Variants in CPLANE1 observed in about 807,000 individuals in gnomAD.
The protein encoded by CPLANE1 is ciliogenesis and planar polarity effector 1.
In CPLANE1, 263 loss-of-function variants were observed where a neutral mutation model predicts 362.5. The observed-to-expected ratio is 0.73, with a 90% confidence interval of 0.66 to 0.80. The LOEUF (loss-of-function observed/expected upper bound fraction) is 0.80, where lower values mean the gene tolerates loss of function less well. Among genes scored for constraint, CPLANE1 ranks in the 30% least tolerant of loss-of-function variants. The pLI is 0.00. For missense variants in CPLANE1, 3,461 were observed against 3,793.4 expected (o/e 0.91, Z 2.30); for synonymous variants, 1,212 against 1,302.6 (o/e 0.93, Z 1.50).
At chr5:37,203,896 A>G (rs1789952262) in intron 18 of CPLANE1, among the ~76,000 whole-genome samples, 1 of 152,224 alleles carries the variant, frequency 6.6e-6, no homozygotes, top group African/African-American at 2.4e-5. Flanking sequence ...AATTCATTCA[A>G]GAGCAGCTAA....
chr5:37,124,504 C>G (rs971307257), intron 47 of CPLANE1, among the ~76,000 whole-genome samples: 1 of 151,888 alleles, frequency 6.6e-6, no homozygotes, highest in Non-Finnish European at 1.5e-5. Flanking sequence ...TTTTTGTATT[C>G]TTTGTAGGTA....
rs373643291 is a variant in CPLANE1 at position 37,108,318 on chromosome 5, T to C, written c.9554A>G (p.His3185Arg). ...TTGTAGAAGGGAATTGTGACTCTCATGAAGAATCTTATGGATTTCTGAAGG... is the reference window on the plus strand; with the variant it reads ...TTGTAGAAGGGAATTGTGACTCTCACGAAGAATCTTATGGATTTCTGAAGG... ...TIPSEIHKIL[H>R]ESHNSLLQDL... is the part of the protein sequence containing the mutation. The change falls in exon 52 of 53, where the codon CAT (histidine) becomes CGT (arginine). Residue 3185 changes from histidine to arginine, a missense_variant. Around this residue, in one of 2 missense-constraint regions of CPLANE1, gnomAD observed 81 missense variants for 127.3 expected, o/e 0.64. Transcript: ENST00000651892. 1 of 1,614,036 alleles carries C rather than the reference T, an allele frequency of 6.2e-7. No individual in the cohort carries two copies. The highest frequency in any genetic ancestry group is 1.7e-5 in the Admixed American group (1 of 59,994).
At chr5:37,181,045 C>G (rs1411083340) in intron 26 of CPLANE1, 40 bp from the exon 27 acceptor site, 1 of 1,507,748 alleles carries the variant, frequency 6.6e-7, no homozygotes, top group Admixed American at 2.0e-5. Flanking sequence ...TTTATTGAAC[C>G]CTTTATTTTT....
chr5:37,224,088 C>T (rs2150393071), intron 14 of CPLANE1, among the ~76,000 whole-genome samples, 165 bp downstream of exon 14: 1 of 152,244 alleles, frequency 6.6e-6, no homozygotes, highest in South Asian at 2.1e-4. Flanking sequence ...ATATCATAAG[C>T]ACTCTGAAAT....
At chr5:37,119,756 C>G (rs10072608) in intron 50 of CPLANE1, among the ~76,000 whole-genome samples, 13 of 151,932 alleles carry the variant, frequency 8.6e-5, no homozygotes, top group African/African-American at 3.1e-4. Context: ...GAGGCCGGGG[C>G]GGGTGGATCA....
At chr5:37,157,932 CAAAA>C (rs1157107088) in intron 39 of CPLANE1, 64 bp from the exon 40 acceptor site, 753 of 66,576 alleles carry the variant, frequency 0.011, no homozygotes, top group South Asian at 0.028. Context: ...GTCACTCCGC[CAAAA>C]AAAAAAAAAA....
At chr5:37,190,725 T>C (rs887402441) in intron 21 of CPLANE1, among the ~76,000 whole-genome samples, 7 of 152,168 alleles carry the variant, frequency 4.6e-5, no homozygotes, top group African/African-American at 1.7e-4. Flanking sequence ...GCATATACTA[T>C]GGTGCACCCA....
At chr5:37,133,968 A>G (rs1480658762) in intron 46 of CPLANE1, among the ~76,000 whole-genome samples, 2 of 152,192 alleles carry the variant, frequency 1.3e-5, no homozygotes, top group Admixed American at 6.5e-5. Context: ...CCAATCTTGC[A>G]TCCTAGAAAT....
intron 41 of CPLANE1, among the ~76,000 whole-genome samples, chr5:37,155,599 T>C (rs1362715929): frequency 6.6e-6 from 1 of 152,210 alleles, no homozygotes; most frequent in Non-Finnish European, 1.5e-5. Context: ...GGTGTCAAAC[T>C]CCTGAGCTCA....
Position 37,170,006 on chromosome 5 carries a change from CGCCCAG to C in CPLANE1, c.6462+29_6462+34del, listed in dbSNP as rs769227834. 11 of 1,589,828 alleles carry C rather than the reference CGCCCAG, an allele frequency of 6.9e-6. No individual in the cohort carries two copies. The East Asian group carries it at 2.2e-4, about 32-fold the overall frequency. On this transcript the variant is annotated intron_variant, in intron 33 of 52. Transcript: ENST00000651892. ...CTGGGATTACAGACATGAGCCACCG[CGCCCAG>C]CCATTAATGGTATTTTTACATACAT...
chr5:37,149,739 G>A (rs1260252574), intron 42 of CPLANE1, among the ~76,000 whole-genome samples: 1 of 151,964 alleles, frequency 6.6e-6, no homozygotes, highest in East Asian at 1.9e-4. Flanking sequence ...CTGTACAGAA[G>A]GTAACAGAAA....
At chr5:37,214,117 AATT>A (rs1793378253) in intron 15 of CPLANE1, among the ~76,000 whole-genome samples, 1 of 152,184 alleles carries the variant, frequency 6.6e-6, no homozygotes, top group South Asian at 2.1e-4. Flanking sequence ...ATATGTAAAT[AATT>A]ATTTTATCAT....
chr5:37,105,966 G>A (rs747804771), downstream of CPLANE1, among the ~76,000 whole-genome samples: 6 of 152,124 alleles, frequency 3.9e-5, no homozygotes, highest in East Asian at 7.7e-4. Flanking sequence ...ATGAGGTATC[G>A]CTGCACCCCA....
In CPLANE1 at chr5:37,224,290, C is replaced by G. The variant is rs199749415; in HGVS notation, c.2544G>C (p.Gln848His). ...TTTCTTGTAGAGCTTTTTTCCACAGCTGAACAGACTTTTCATATGATCCTA... is the reference window on the plus strand; with the variant it reads ...TTTCTTGTAGAGCTTTTTTCCACAGGTGAACAGACTTTTCATATGATCCTA... The part of the protein sequence containing the change: ...FLLGSYEKSV[Q>H]LWKKALQEIE... Residue 848 changes from glutamine (Q) to histidine (H), a missense_variant, in exon 14 of 53, where the codon CAG becomes CAC. Physicochemically the swap from Gln to His is conservative, Grantham distance 24 (BLOSUM62 0). This residue lies in a region of CPLANE1 where 3,380 missense variants were observed against 3,666.1 expected (regional missense o/e 0.92). Coordinates refer to ENST00000651892, the MANE Select transcript of CPLANE1 (RefSeq NM_001384732.1). 1.5e-4 allele frequency: 239 copies of G among 1,549,466 alleles called. No individual in the cohort carries two copies. Among genetic ancestry groups the G allele is most frequent in the Non-Finnish European group, 2.0e-4 (227 of 1,146,206 alleles).
intron 6 of CPLANE1, 83 bp from the exon 7 acceptor site, chr5:37,239,952 T>C: frequency 1.0e-6 from 1 of 981,878 alleles, no homozygotes; most frequent in Non-Finnish European, 1.4e-6. Context: ...AATTAAAGGA[T>C]CCATCCAAAT....
At chr5:37,095,619 A>T in the CPLANE1 span, among the ~76,000 whole-genome samples, 1 of 152,196 alleles carries the variant, frequency 6.6e-6, no homozygotes, top group Non-Finnish European at 1.5e-5. Flanking sequence ...CATCCAAATC[A>T]GTAAAGAGGA....
intron 2 of CPLANE1, 42 bp from the exon 3 acceptor site, chr5:37,245,887 A>G: frequency 7.0e-7 from 1 of 1,438,014 alleles, no homozygotes; most frequent in South Asian, 1.6e-5. Flanking sequence ...GGTGCCAGAA[A>G]TTAATTCAAC....
At chr5:37,115,472 T>C (rs114069802) in intron 50 of CPLANE1, among the ~76,000 whole-genome samples, 3,247 of 152,254 alleles carry the variant, frequency 0.021, 129 homozygotes, top group African/African-American at 0.075. Context: ...GCAATATCTC[T>C]TATTAATATA....
intron 18 of CPLANE1, among the ~76,000 whole-genome samples, chr5:37,202,794 C>A (rs749074791): frequency 6.6e-6 from 1 of 152,098 alleles, no homozygotes; most frequent in African/African-American, 2.4e-5. Context: ...TAGCCACTAT[C>A]CAGCATTTGG....
Sources: allele counts gnomAD v4.1 joint callset (sites outside exome capture counted in the v4.1 genomes callset), GRCh38; gene constraint gnomAD v4.1.1; regional missense constraint gnomAD v4.1.1; transcripts MANE v1.5; gene names NCBI Gene and HGNC (gene_info 2026-07-23, HGNC 2026-07-21).